CCSER1: variants seen among roughly 807,000 people sequenced by gnomAD.
CCSER1 encodes the protein serine-rich coiled-coil domain-containing protein 1.
Under a neutral mutation model 82.0 loss-of-function variants are expected in CCSER1, and 41 were observed. The ratio of observed to expected loss-of-function variants is 0.50; its 90% confidence interval spans 0.39 to 0.65. CCSER1 has a LOEUF of 0.65. Among genes scored for constraint, CCSER1 ranks in the 30% least tolerant of loss-of-function variants. The pLI, the probability that CCSER1 is intolerant of heterozygous loss-of-function variation, is 0.00. For missense variants in CCSER1, 1,119 were observed against 1,064.2 expected, an observed-to-expected ratio of 1.05 and a Z score of -0.72; for synonymous variants, 414 against 383.9, an observed-to-expected ratio of 1.08 and a Z score of -0.92.
chr4:90,646,214 A>T (rs1293984181), intron 6 of CCSER1, among the ~76,000 whole-genome samples: 1 of 152,150 alleles, frequency 6.6e-6, no homozygotes, highest in Non-Finnish European at 1.5e-5. Context: ...AAAAATAGGA[A>T]TTTTGGGGGA....
intron 10 of CCSER1, among the ~76,000 whole-genome samples, chr4:91,413,318 G>A (rs1250404573): frequency 6.6e-6 from 1 of 152,060 alleles, no homozygotes; most frequent in Non-Finnish European, 1.5e-5. Flanking sequence ...ACAAGTACCA[G>A]GTTTGGTGGC....
At chr4:91,202,362 T>C (rs1243755857) in intron 10 of CCSER1, among the ~76,000 whole-genome samples, 1 of 152,008 alleles carries the variant, frequency 6.6e-6, no homozygotes, top group Admixed American at 6.6e-5. Context: ...CTCCCTCTTT[T>C]AGTCCACGTC....
At chr4:90,608,169 C>A (rs1380707101) in intron 5 of CCSER1, among the ~76,000 whole-genome samples, 1 of 152,126 alleles carries the variant, frequency 6.6e-6, no homozygotes, top group African/African-American at 2.4e-5. Flanking sequence ...TTTACACTTT[C>A]TGTGGATAAG....
At chr4:91,529,270 T>C (rs1402463982) in intron 10 of CCSER1, among the ~76,000 whole-genome samples, 2 of 152,140 alleles carry the variant, frequency 1.3e-5, no homozygotes, top group African/African-American at 4.8e-5. Flanking sequence ...CATTTATTTA[T>C]GTGTGTATTT....
chr4:90,967,428 G>A (rs1021280972), intron 9 of CCSER1, among the ~76,000 whole-genome samples: 25 of 151,638 alleles, frequency 1.6e-4, no homozygotes, highest in African/African-American at 5.1e-4. Context: ...CAGCCTGGGC[G>A]ACAGAGCAAG....
At chr4:91,461,934 A>C (rs538265814) in intron 10 of CCSER1, among the ~76,000 whole-genome samples, 1 of 152,292 alleles carries the variant, frequency 6.6e-6, no homozygotes, top group Non-Finnish European at 1.5e-5. Context: ...TAACTGGTGA[A>C]AATACATTCA....
intron 10 of CCSER1, among the ~76,000 whole-genome samples, chr4:91,146,065 T>C (rs1275228121): frequency 6.6e-6 from 1 of 152,182 alleles, no homozygotes; most frequent in Admixed American, 6.5e-5. Context: ...TGCCAATGAA[T>C]CATAGATTTG....
At chr4:91,055,292 T>C (rs914103180) in intron 9 of CCSER1, among the ~76,000 whole-genome samples, 13 of 152,202 alleles carry the variant, frequency 8.5e-5, no homozygotes, top group African/African-American at 3.1e-4. Flanking sequence ...ATCTTGATCC[T>C]TTTTAGTTGT....
chr4:90,898,334 GT>G (rs1334429658), intron 8 of CCSER1, among the ~76,000 whole-genome samples: 1 of 132,776 alleles, frequency 7.5e-6, no homozygotes, highest in African/African-American at 2.8e-5. Context: ...CCAGGCTGGA[GT>G]GTAATAGCAC....
rs746813737 is a variant in CCSER1 at position 90,780,473 on chromosome 4, A to T, written c.2011-35289A>T. The stretch of plus-strand genomic sequence containing the variant: ...TACCCTAGGGAATTCTGAAAACCTG[A>T]CTAACATCAATTGAAGATTGGGGTT... On this transcript the variant is annotated intron_variant, in intron 7 of 10. Coordinates refer to ENST00000509176, the MANE Select transcript of CCSER1 (RefSeq NM_001145065.2). 3 of 1,612,308 alleles carry T rather than the reference A, an allele frequency of 1.9e-6. No individual in the cohort carries two copies. The South Asian group carries it at 3.3e-5, about 18-fold the overall frequency.
chr4:90,842,360 T>C (rs553254380), intron 8 of CCSER1, among the ~76,000 whole-genome samples: 1 of 152,364 alleles, frequency 6.6e-6, no homozygotes, highest in South Asian at 2.1e-4. Context: ...TCTATGGCTA[T>C]CTGTTGCTGT....
chr4:90,355,826 G>A (rs6845419), intron 3 of CCSER1, among the ~76,000 whole-genome samples: 44,283 of 151,844 alleles, frequency 0.29, 6,607 homozygotes, highest in East Asian at 0.44. Context: ...GAACAAATTG[G>A]AAAGTAAAGG....
chr4:90,900,212 G>A (rs1724425850), intron 8 of CCSER1, among the ~76,000 whole-genome samples: 1 of 151,010 alleles, frequency 6.6e-6, no homozygotes, highest in East Asian at 2.0e-4. Flanking sequence ...TGCAGTTCCA[G>A]GAATTTATCC....
intron 6 of CCSER1, among the ~76,000 whole-genome samples, chr4:90,629,628 C>G (rs376641760): frequency 5.9e-5 from 9 of 152,260 alleles, no homozygotes; most frequent in African/African-American, 2.2e-4. Flanking sequence ...GGGACACAGC[C>G]AAACCATATC....
chr4:91,542,543 C>T (rs1040604441), intron 10 of CCSER1, among the ~76,000 whole-genome samples: 15 of 152,122 alleles, frequency 9.9e-5, no homozygotes, highest in African/African-American at 1.2e-4. Flanking sequence ...TTATTTCTGC[C>T]TTCATTTTGT....
intron 1 of CCSER1, among the ~76,000 whole-genome samples, chr4:90,200,136 A>G (rs997359010): frequency 3.3e-5 from 5 of 151,308 alleles, no homozygotes; most frequent in African/African-American, 1.2e-4. Flanking sequence ...CTGTTAGCCT[A>G]ATTAGTAGCA....
intron 5 of CCSER1, among the ~76,000 whole-genome samples, chr4:90,512,313 A>G (rs1397622731): frequency 2.0e-5 from 3 of 151,936 alleles, no homozygotes; most frequent in East Asian, 1.9e-4. Context: ...CAAGCAAAAA[A>G]AAAAAAGAAA....
intron 10 of CCSER1, among the ~76,000 whole-genome samples, chr4:91,193,369 G>C (rs903674215): frequency 5.9e-5 from 9 of 152,066 alleles, no homozygotes; most frequent in Non-Finnish European, 1.0e-4. Context: ...AATTAACTTT[G>C]TTCCTGTTCA....
At chr4:91,073,718 T>C (rs1010508459) in intron 9 of CCSER1, among the ~76,000 whole-genome samples, 2 of 152,134 alleles carry the variant, frequency 1.3e-5, no homozygotes, top group African/African-American at 2.4e-5. Flanking sequence ...TCAAAGTTTT[T>C]TGGAATTTTT....
Sources: gnomAD v4.1 joint callset for allele counts (sites outside exome capture counted in the v4.1 genomes callset) on GRCh38, gnomAD v4.1.1 for gene constraint, MANE v1.5 for transcripts, NCBI Gene and HGNC (gene_info 2026-07-23, HGNC 2026-07-21) for gene names.